The following DCLK2 variants were observed in gnomAD, a reference collection of about 807,000 sequenced individuals.
The protein encoded by DCLK2 is doublecortin like kinase 2, also known as serine/threonine-protein kinase DCLK2.
In DCLK2, 31 loss-of-function variants were observed where a neutral mutation model predicts 78.4. That is an observed-to-expected ratio of 0.40 (90% CI 0.30 to 0.53). The LOEUF (loss-of-function observed/expected upper bound fraction) is 0.53. DCLK2 is among the 20% of genes least tolerant of loss of function. The pLI is 0.61. For synonymous variants in DCLK2, 407 were observed against 374.9 expected, an observed-to-expected ratio of 1.09 and a Z score of -0.99; for missense variants, 872 against 973.7, an observed-to-expected ratio of 0.90 and a Z score of 1.39.
Position 150,166,076 on chromosome 4 carries a change from C to T in DCLK2, c.757-27062C>T, listed in dbSNP as rs1736048818. Among the ~76,000 whole-genome samples, 5 of 151,960 alleles carry T rather than the reference C, an allele frequency of 3.3e-5. No homozygotes were observed. In the South Asian group the frequency reaches 1.0e-3, roughly 32 times the overall value. ...TAAATTTCTTTTCTTTATAAACTAC[C>T]CAGACTGTGGTGTTCTATTGTAGTC... On this transcript the variant is annotated intron_variant, in intron 2 of 15. Transcript: ENST00000296550.
intron 1 of DCLK2, among the ~76,000 whole-genome samples, chr4:150,086,625 G>A (rs1332111373): frequency 6.6e-6 from 1 of 151,824 alleles, no homozygotes; most frequent in East Asian, 1.9e-4. Flanking sequence ...TCCTGCCTCA[G>A]CCTACCGAGT....
At chr4:150,236,654 G>C (rs1033629472) in intron 10 of DCLK2, among the ~76,000 whole-genome samples, 1 of 152,172 alleles carries the variant, frequency 6.6e-6, no homozygotes, top group Non-Finnish European at 1.5e-5. Flanking sequence ...GTGTGTCTCT[G>C]TATCTATCTA....
intron 2 of DCLK2, among the ~76,000 whole-genome samples, chr4:150,148,557 G>A (rs1412382607): frequency 6.6e-6 from 1 of 152,074 alleles, no homozygotes; most frequent in African/African-American, 2.4e-5. Flanking sequence ...ATATCACTGT[G>A]CCTGGCTTAC....
intron 2 of DCLK2, among the ~76,000 whole-genome samples, chr4:150,136,133 C>T (rs544510865): frequency 1.3e-5 from 2 of 151,986 alleles, no homozygotes; most frequent in East Asian, 1.9e-4. Flanking sequence ...GGAGGAATCT[C>T]GTGGAGGAAG....
chr4:150,081,444 G>GA lies in DCLK2; in HGVS notation c.421+2002dup, dbSNP rs547796822. On this transcript the variant is annotated intron_variant, in intron 1 of 15. Transcript: ENST00000296550. ...CTGATTTTTAGTGGATGGGGATTTGGAAAAAACATTATCTATGGAGTCCAA... is the reference window on the plus strand; with the variant it reads ...CTGATTTTTAGTGGATGGGGATTTGGAAAAAAACATTATCTATGGAGTCCAA... 1.1e-4 allele frequency among the ~76,000 whole-genome samples: 17 copies of GA among 151,916 alleles called. 1 individual carries two copies. The East Asian group carries it at 3.3e-3, about 29-fold the overall frequency.
chr4:150,145,272 C>T (rs183128265), intron 2 of DCLK2, among the ~76,000 whole-genome samples: 2 of 152,284 alleles, frequency 1.3e-5, no homozygotes, highest in Admixed American at 1.3e-4. Context: ...CCAGGCATCA[C>T]CCCCAGGGTT....
intron 10 of DCLK2, among the ~76,000 whole-genome samples, chr4:150,234,000 C>A (rs144695699): frequency 6.6e-6 from 1 of 152,158 alleles, no homozygotes; most frequent in Non-Finnish European, 1.5e-5. Context: ...GGGCTCTCAT[C>A]CTCATTCCTG....
chr4:150,171,122 T>C lies in DCLK2; in HGVS notation c.757-22016T>C, dbSNP rs184820739. Among the ~76,000 whole-genome samples the C allele has an allele frequency of 2.0e-5, 3 of 152,368 alleles. No homozygotes were observed. In the East Asian group the frequency reaches 5.8e-4, roughly 29 times the overall value. On this transcript the variant is annotated intron_variant, in intron 2 of 15. Coordinates refer to ENST00000296550, the MANE Select transcript of DCLK2 (RefSeq NM_001040260.4). ...TAAGTCTATGACTCAGAAATCTGTA[T>C]TGTCTGAATCTCTCTTAAGGAATTT...
At position 150,194,101 on chromosome 4, in the gene DCLK2, T is replaced by C. The variant is rs371037407; in HGVS notation, c.859+861T>C. Among the ~76,000 whole-genome samples the C allele has an allele frequency of 2.6e-4, 40 of 151,720 alleles. 1 individual carries two copies. The East Asian group carries it at 6.4e-3, about 24-fold the overall frequency. On this transcript the variant is annotated intron_variant, in intron 3 of 15. Coordinates refer to ENST00000296550, the MANE Select transcript of DCLK2 (RefSeq NM_001040260.4). Reference sequence around the variant, plus strand: ...TACTTACTTTGTTTATATACAGTCATGTACCATGTAAGGATGCTTTGGTCA... The same window carrying C: ...TACTTACTTTGTTTATATACAGTCACGTACCATGTAAGGATGCTTTGGTCA...
chr4:150,243,797 G>C (rs1743095050), intron 12 of DCLK2, among the ~76,000 whole-genome samples: 1 of 149,310 alleles, frequency 6.7e-6, no homozygotes, highest in South Asian at 2.1e-4. Flanking sequence ...CCCACTCCAG[G>C]CTCAAGGAAT....
At chr4:150,174,292 T>G (rs939260080) in intron 2 of DCLK2, among the ~76,000 whole-genome samples, 16 of 152,202 alleles carry the variant, frequency 1.1e-4, no homozygotes, top group Non-Finnish European at 2.2e-4. Flanking sequence ...CTGTTCTCAT[T>G]GTCAGACCTC....
chr4:150,113,901 T>G (rs1044171938), intron 2 of DCLK2, among the ~76,000 whole-genome samples: 2 of 152,194 alleles, frequency 1.3e-5, no homozygotes, highest in African/African-American at 4.8e-5. Context: ...AACTTTCCAC[T>G]TAGCACTGCT....
chr4:150,124,002 T>C (rs866110159), intron 2 of DCLK2, among the ~76,000 whole-genome samples: 5 of 151,284 alleles, frequency 3.3e-5, no homozygotes, highest in Admixed American at 1.3e-4. Context: ...ATCACACCAC[T>C]GCACTCCAGC....
intron 2 of DCLK2, among the ~76,000 whole-genome samples, chr4:150,178,529 GAAA>G (rs11338433): frequency 6.7e-6 from 1 of 148,210 alleles, no homozygotes; most frequent in Non-Finnish European, 1.5e-5. Context: ...CTGCTCTAGG[GAAA>G]AAAAAAAAAA....
rs564517902 is a variant in DCLK2 at position 150,104,277 on chromosome 4, A to G, written c.756+1465A>G. Among the ~76,000 whole-genome samples the G allele has an allele frequency of 6.6e-5, 10 of 151,660 alleles. 1 individual carries two copies. In the South Asian group the frequency reaches 1.0e-3, roughly 16 times the overall value. On this transcript the variant is annotated intron_variant, in intron 2 of 15. Transcript: ENST00000296550. The stretch of plus-strand genomic sequence containing the variant: ...GTGGTGCACTCCTATAGTTCCAGCT[A>G]CTTGGGAGGCTGAAGTGGGAGGATC...
At chr4:150,198,551 T>C (rs950914926) in intron 4 of DCLK2, among the ~76,000 whole-genome samples, 6 of 152,200 alleles carry the variant, frequency 3.9e-5, no homozygotes, top group African/African-American at 7.2e-5. Flanking sequence ...GATACATTCA[T>C]AGCAGTGATT....
At chr4:150,113,758 C>T (rs1731868908) in intron 2 of DCLK2, among the ~76,000 whole-genome samples, 1 of 144,772 alleles carries the variant, frequency 6.9e-6, no homozygotes, top group African/African-American at 2.6e-5. Context: ...TTTAGTTTTG[C>T]TCTGATCTTT....
intron 2 of DCLK2, among the ~76,000 whole-genome samples, chr4:150,179,570 T>C (rs1436212223): frequency 6.6e-6 from 1 of 152,178 alleles, no homozygotes; most frequent in African/African-American, 2.4e-5. Flanking sequence ...CATTGTATGC[T>C]AAACAGACAC....
intron 2 of DCLK2, among the ~76,000 whole-genome samples, chr4:150,183,583 A>G (rs1292386848): frequency 6.6e-6 from 1 of 152,166 alleles, no homozygotes; most frequent in Non-Finnish European, 1.5e-5. Context: ...TTATCTTGGG[A>G]TAGAAAACTA....
Sources: allele counts gnomAD v4.1 joint callset (sites outside exome capture counted in the v4.1 genomes callset), GRCh38; gene constraint gnomAD v4.1.1; transcripts MANE v1.5; gene names NCBI Gene and HGNC (gene_info 2026-07-23, HGNC 2026-07-21).